The following CNTN6 variants were observed in gnomAD, a reference collection of about 807,000 sequenced individuals.
CNTN6 encodes contactin-6.
In CNTN6, 137 loss-of-function variants were observed where a neutral mutation model predicts 122.8. The observed-to-expected ratio is 1.12, with a 90% confidence interval of 0.97 to 1.29. The LOEUF (loss-of-function observed/expected upper bound fraction) is 1.29. Ranked by LOEUF, CNTN6 falls within the 50% of genes most tolerant of loss-of-function variation. The pLI, the probability that CNTN6 is intolerant of heterozygous loss-of-function variation, is 0.00. For synonymous variants in CNTN6, 570 were observed against 426.0 expected (o/e 1.34, Z -4.16); for missense variants, 1,634 against 1,223.4 (o/e 1.34, Z -5.01).
intron 2 of CNTN6, among the ~76,000 whole-genome samples, chr3:1,210,431 A>AGGAAAG (rs1437318855): frequency 6.6e-6 from 1 of 152,024 alleles, no homozygotes; most frequent in African/African-American, 2.4e-5. Context: ...GAAAGAAAAA[A>AGGAAAG]AAAAGGCTTA....
At chr3:1,138,777 GC>G (rs1333846467) in intron 1 of CNTN6, among the ~76,000 whole-genome samples, 2 of 149,722 alleles carry the variant, frequency 1.3e-5, no homozygotes, top group East Asian at 3.9e-4. Context: ...ATATGAAGAA[GC>G]AAAAACACTG....
intron 2 of CNTN6, among the ~76,000 whole-genome samples, chr3:1,193,226 A>C (rs973617720): frequency 6.6e-6 from 1 of 152,194 alleles, no homozygotes; most frequent in African/African-American, 2.4e-5. Flanking sequence ...TTAAATTTAG[A>C]GTGCACAGTG....
chr3:1,277,674 C>G lies in CNTN6; in HGVS notation c.359-739C>G, dbSNP rs560016697. Among the ~76,000 whole-genome samples the G allele has an allele frequency of 3.9e-5, 6 of 152,130 alleles. No individual in the cohort carries two copies. In the South Asian group the frequency reaches 1.2e-3, roughly 32 times the overall value. ...CCACACCCAGATTAGTAGGTTAATTCATTAAATAACTAATTGAATGAATGA... is the reference window on the plus strand; with the variant it reads ...CCACACCCAGATTAGTAGGTTAATTGATTAAATAACTAATTGAATGAATGA... On this transcript the variant is annotated intron_variant, in intron 4 of 22. Transcript: ENST00000446702.
intron 2 of CNTN6, among the ~76,000 whole-genome samples, chr3:1,188,265 TC>T (rs924810172): frequency 4.6e-5 from 7 of 152,236 alleles, no homozygotes; most frequent in African/African-American, 1.7e-4. Context: ...TTAAGACTTC[TC>T]CCCTCCTCCT....
At chr3:1,190,280 TAA>T (rs2093682997) in intron 2 of CNTN6, among the ~76,000 whole-genome samples, 1 of 152,148 alleles carries the variant, frequency 6.6e-6, no homozygotes, top group South Asian at 2.1e-4. Flanking sequence ...TAGTTACTCC[TAA>T]AGTCCCCACC....
chr3:1,201,096 ATT>A (rs758572480), intron 2 of CNTN6, among the ~76,000 whole-genome samples: 1,113 of 104,282 alleles, frequency 0.011, 10 homozygotes, highest in Non-Finnish European at 0.013. Flanking sequence ...CCCAGCTAAC[ATT>A]TTGTGTGTGT....
At chr3:1,309,597 G>T (rs422088) in intron 7 of CNTN6, among the ~76,000 whole-genome samples, 15 of 152,174 alleles carry the variant, frequency 9.9e-5, no homozygotes, top group African/African-American at 3.4e-4. Context: ...CATTGTGTTG[G>T]CTATTTTGTT....
intron 1 of CNTN6, among the ~76,000 whole-genome samples, chr3:1,134,414 T>G (rs780957270): frequency 6.6e-6 from 1 of 152,120 alleles, no homozygotes; most frequent in African/African-American, 2.4e-5. Flanking sequence ...CTGTGGAACC[T>G]AAGCCCTTGG....
intron 3 of CNTN6, among the ~76,000 whole-genome samples, chr3:1,226,328 A>G (rs1405046478): frequency 2.0e-5 from 3 of 152,158 alleles, no homozygotes; most frequent in Middle Eastern, 3.2e-3. Context: ...GCTATATTCC[A>G]TAGGAAAAGA....
chr3:1,286,392 C>A (rs1448636486), intron 5 of CNTN6, among the ~76,000 whole-genome samples: 7 of 152,128 alleles, frequency 4.6e-5, no homozygotes, highest in Admixed American at 4.6e-4. Context: ...GGGCCCCTCC[C>A]TGTGTCCATG....
At chr3:1,340,061 A>G (rs1484175119) in intron 11 of CNTN6, among the ~76,000 whole-genome samples, 2 of 152,130 alleles carry the variant, frequency 1.3e-5, no homozygotes, top group African/African-American at 2.4e-5. Context: ...TATGAGAGGC[A>G]TTTATTCATA....
chr3:1,392,375 C>T (rs1218257470), intron 20 of CNTN6, among the ~76,000 whole-genome samples: 1 of 152,166 alleles, frequency 6.6e-6, no homozygotes, highest in Non-Finnish European at 1.5e-5. Flanking sequence ...GAAACTGGAT[C>T]CCTTCCTTAC....
At chr3:1,192,676 A>G (rs1202049317) in intron 2 of CNTN6, among the ~76,000 whole-genome samples, 1 of 152,110 alleles carries the variant, frequency 6.6e-6, no homozygotes, top group Non-Finnish European at 1.5e-5. Flanking sequence ...GTGCACCCCA[A>G]CAACAAAGAT....
chr3:1,367,013 T>C (rs1322157237), intron 12 of CNTN6, among the ~76,000 whole-genome samples: 1 of 152,178 alleles, frequency 6.6e-6, no homozygotes, highest in Non-Finnish European at 1.5e-5. Flanking sequence ...CAGCAAAAAA[T>C]GCATTTCTAA....
At position 1,120,561 on chromosome 3, in the gene CNTN6, C is replaced by T. The variant is rs552237292; in HGVS notation, c.-82-27366C>T. 3.3e-5 allele frequency among the ~76,000 whole-genome samples: 5 copies of T among 151,952 alleles called. No homozygotes were observed. The South Asian group carries it at 1.0e-3, about 31-fold the overall frequency. On this transcript the variant is annotated intron_variant, in intron 1 of 22. Coordinates refer to ENST00000446702, the MANE Select transcript of CNTN6 (RefSeq NM_001289080.2). ...ATATTATTGTTTTATATATTTTAGACACAACCTTCTATCAGATATATGTAT... is the reference window on the plus strand; with the variant it reads ...ATATTATTGTTTTATATATTTTAGATACAACCTTCTATCAGATATATGTAT...
intron 4 of CNTN6, among the ~76,000 whole-genome samples, chr3:1,252,069 A>G (rs1269452774): frequency 6.6e-6 from 1 of 152,178 alleles, no homozygotes; most frequent in Non-Finnish European, 1.5e-5. Context: ...TTCCAATCCC[A>G]TCTATCACAT....
At chr3:1,341,700 A>G (rs1703914696) in intron 11 of CNTN6, among the ~76,000 whole-genome samples, 1 of 152,196 alleles carries the variant, frequency 6.6e-6, no homozygotes, top group African/African-American at 2.4e-5. Context: ...TATATTAAAC[A>G]AGGTGACACA....
At chr3:1,363,316 A>G (rs1242120736) in intron 12 of CNTN6, among the ~76,000 whole-genome samples, 2 of 151,942 alleles carry the variant, frequency 1.3e-5, no homozygotes, top group African/African-American at 4.8e-5. Context: ...ATACAGATAT[A>G]TATATACACA....
intron 2 of CNTN6, among the ~76,000 whole-genome samples, chr3:1,200,065 T>C (rs1157160392): frequency 1.3e-5 from 2 of 152,152 alleles, no homozygotes; most frequent in Non-Finnish European, 2.9e-5. Context: ...GACATATATA[T>C]ATATTTTTTA....
Sources: gnomAD v4.1 joint callset for allele counts (sites outside exome capture counted in the v4.1 genomes callset) on GRCh38, gnomAD v4.1.1 for gene constraint, MANE v1.5 for transcripts, NCBI Gene and HGNC (gene_info 2026-07-23, HGNC 2026-07-21) for gene names.